KCNQ2: variants seen among roughly 807,000 people sequenced by gnomAD.
The protein encoded by KCNQ2 is potassium voltage-gated channel subfamily Q member 2.
In KCNQ2, 14 loss-of-function variants were observed where a neutral mutation model predicts 84.8. The observed-to-expected ratio is 0.17, with a 90% CI of 0.11 to 0.26. KCNQ2 has a LOEUF of 0.26. KCNQ2 is among the 10% of genes least tolerant of loss of function. The pLI, the probability that KCNQ2 is intolerant of heterozygous loss-of-function variation, is 1.00. For missense variants in KCNQ2, 788 were observed against 1,254.0 expected (o/e 0.63, Z 5.61); for synonymous variants, 599 against 554.1 (o/e 1.08, Z -1.14).
At position 63,403,348 on chromosome 20, in the gene KCNQ2, G is replaced by C. The variant is rs1048369814; in HGVS notation, c.*3296C>G. ...TACACTCAGCAGGGTCAAAGAGAAAGACCAGAGACAGAAGGGCTCCAAGGC... is the reference window on the plus strand; with the variant it reads ...TACACTCAGCAGGGTCAAAGAGAAACACCAGAGACAGAAGGGCTCCAAGGC... On this transcript the variant is annotated 3_prime_UTR_variant, in exon 17 of 17. Coordinates refer to ENST00000359125, the MANE Select transcript of KCNQ2 (RefSeq NM_172107.4). 1 of 152,350 alleles carries C rather than the reference G, an allele frequency of 6.6e-6. No individual in the cohort carries two copies. The highest frequency in any genetic ancestry group is 1.5e-5 in the Non-Finnish European group (1 of 68,108). The allele number at this position is 152,350 out of a possible 1,614,324, so 9.4% of individuals were successfully genotyped here. A position where few individuals can be genotyped will look rare whatever the true frequency, so the allele number is the denominator to read the frequency against.
In KCNQ2 at chr20:63,472,335, G is replaced by T. The variant is rs1317748215; in HGVS notation, c.129C>A (p.Ala43=). The T allele has an allele frequency of 5.9e-6, 9 of 1,537,224 alleles. No individual in the cohort carries two copies. Among genetic ancestry groups the T allele is most frequent in the Non-Finnish European group, 7.9e-6 (9 of 1,142,508 alleles). ...TGCCGCGCTTGGGGGCCTCGGAGCC[G>T]GCGATCAGCAGCGCCCCGTCCCGGG... The part of the protein sequence containing the change: ...DSTRDGALLI[A]GSEAPKRGSI... The change falls in exon 1 of 17, where the codon GCC becomes GCA. Residue 43 remains alanine, a synonymous_variant. Coordinates refer to ENST00000359125, the MANE Select transcript of KCNQ2 (RefSeq NM_172107.4).
At chr20:63,417,717 C>A (rs1468463677) in intron 12 of KCNQ2, among the ~76,000 whole-genome samples, 1 of 152,228 alleles carries the variant, frequency 6.6e-6, no homozygotes, top group Non-Finnish European at 1.5e-5. Context: ...AAGGGAGTGG[C>A]GTGGATTCCA....
chr20:63,413,638 A>G, intron 14 of KCNQ2, 57 bp from the exon 15 acceptor site: 1 of 1,606,376 alleles, frequency 6.2e-7, no homozygotes, highest in African/African-American at 1.3e-5. Context: ...GGCCACAGGC[A>G]CCAGGACCTT....
At position 63,425,985 on chromosome 20, in the gene KCNQ2, G is replaced by T. The variant is rs370435663; in HGVS notation, c.1218-1779C>A. On this transcript the variant is annotated intron_variant, in intron 10 of 16. Transcript: ENST00000359125. The surrounding 1 kb of genome is among the most constrained non-coding windows in gnomAD (Gnocchi z 5.5). Reference sequence around the variant, plus strand: ...TCCAATCCGGCGGGGCAAACTCCACGTGGCACAGCTCTGGGGACGCTCCTC... The same window carrying T: ...TCCAATCCGGCGGGGCAAACTCCACTTGGCACAGCTCTGGGGACGCTCCTC... 2.1e-4 allele frequency among the ~76,000 whole-genome samples: 32 copies of T among 152,200 alleles called. No individual in the cohort carries two copies. Among genetic ancestry groups the T allele is most frequent in the Non-Finnish European group, 2.1e-4 (14 of 68,036 alleles).
chr20:63,421,676 A>G (rs1417951450), intron 11 of KCNQ2, among the ~76,000 whole-genome samples: 5 of 151,848 alleles, frequency 3.3e-5, no homozygotes, highest in Non-Finnish European at 5.9e-5. Context: ...GAGGAGGGGG[A>G]GCCCGAACAG....
intron 9 of KCNQ2, among the ~76,000 whole-genome samples, chr20:63,429,428 G>A (rs2080728982): frequency 6.6e-6 from 1 of 152,084 alleles, no homozygotes; most frequent in African/African-American, 2.4e-5. Context: ...CTGCGTTGGA[G>A]GCAGGACGGC....
chr20:63,469,289 C>A (rs1475726764), intron 1 of KCNQ2, among the ~76,000 whole-genome samples: 5 of 152,380 alleles, frequency 3.3e-5, no homozygotes, highest in Admixed American at 2.6e-4. Flanking sequence ...CAGCACCCCG[C>A]CCCGACCAGG....
In KCNQ2 at chr20:63,408,016, C is replaced by G. The variant is rs1282462617; in HGVS notation, c.1887+397G>C. On this transcript the variant is annotated intron_variant, in intron 16 of 16. Transcript: ENST00000359125. This position sits in a 1 kb window ranked among gnomAD's most constrained non-coding sequence, Gnocchi z 5.0. The stretch of plus-strand genomic sequence containing the variant: ...AGAAGCAGGCCCCAAAACAAGGGTC[C>G]TCTGCGGTGGTTCCTGAGAATGCAC... 3.4e-6 allele frequency: 1 copy of G among 293,008 alleles called. No individual in the cohort carries two copies. The highest frequency in any genetic ancestry group is 2.2e-5 in the African/African-American group (1 of 46,066). The allele number at this position is 293,008 out of a possible 1,614,324, so 18.2% of individuals were successfully genotyped here. A position where few individuals can be genotyped will look rare whatever the true frequency, so the allele number is the denominator to read the frequency against.
rs573610967 is a variant in KCNQ2, at chr20:63,414,369, G to T, written c.1526-176C>A. Among the ~76,000 whole-genome samples the T allele has an allele frequency of 1.3e-5, 2 of 152,292 alleles. No individual in the cohort carries two copies. The highest frequency in any genetic ancestry group is 4.1e-4 in the South Asian group (2 of 4,826). On this transcript the variant is annotated intron_variant, in intron 13 of 16. Transcript: ENST00000359125. The surrounding 1 kb of genome is among the most constrained non-coding windows in gnomAD (Gnocchi z 6.6). ...CACCCATCTGCACCCAGCTGCTCTC[G>T]AGTCAGGACCTTCCCCGGCAGGCTG...
intron 2 of KCNQ2, among the ~76,000 whole-genome samples, chr20:63,445,838 A>G (rs371667474): frequency 6.0e-4 from 56 of 93,102 alleles, no homozygotes; most frequent in Admixed American, 9.8e-4. Flanking sequence ...CTGAGCTGGG[A>G]GGCCCTGTCT....
rs1157850766 is a variant in KCNQ2, at chr20:63,408,721, G to A, written c.1764-185C>T. Among the ~76,000 whole-genome samples the A allele has an allele frequency of 6.6e-6, 1 of 152,206 alleles. No individual in the cohort carries two copies. Among genetic ancestry groups the A allele is most frequent in the Non-Finnish European group, 1.5e-5 (1 of 68,028 alleles). ...CGCCCCGTTCTCAGCCCGTCTTCTGGCACCGTGAGGTTCTGCTCCTGCCCG... is the reference window on the plus strand; with the variant it reads ...CGCCCCGTTCTCAGCCCGTCTTCTGACACCGTGAGGTTCTGCTCCTGCCCG... On this transcript the variant is annotated intron_variant, in intron 15 of 16. Transcript: ENST00000359125. This position sits in a 1 kb window ranked among gnomAD's most constrained non-coding sequence, Gnocchi z 5.0.
In KCNQ2 at chr20:63,403,767, G is replaced by T. The variant is rs2079858129; in HGVS notation, c.*2877C>A. ...TATGCGGACATGTATGTGAGCACGT[G>T]TGTGTGCCAGTGGGCACGTAGGGAT... On this transcript the variant is annotated 3_prime_UTR_variant, in exon 17 of 17. Coordinates refer to ENST00000359125, the MANE Select transcript of KCNQ2 (RefSeq NM_172107.4). 1 of 152,440 alleles carries T rather than the reference G, an allele frequency of 6.6e-6. No individual in the cohort carries two copies. The highest frequency in any genetic ancestry group is 2.4e-5 in the African/African-American group (1 of 41,582). 9.4% of individuals were successfully genotyped at this position (152,440 alleles called of 1,614,324 possible). A position where few individuals can be genotyped will look rare whatever the true frequency, so the allele number is the denominator to read the frequency against.
chr20:63,439,922 G>A (rs903240113), intron 5 of KCNQ2: 15 of 625,474 alleles, frequency 2.4e-5, no homozygotes, highest in East Asian at 1.4e-4. Context: ...CCAGAAGCGG[G>A]GTCCAGCCAA....
Position 63,435,875 on chromosome 20 carries a change from G to A in KCNQ2, c.1024-1972C>T, listed in dbSNP as rs1166937430. Among the ~76,000 whole-genome samples the A allele has an allele frequency of 6.5e-5, 6 of 92,108 alleles. No homozygotes were observed. In the South Asian group the frequency reaches 2.1e-3, roughly 32 times the overall value. The allele number at this position is 92,108 out of a possible 152,430, so 60.4% of individuals were successfully genotyped here. ...TCCCTCTCCGGCACATGGGTGGCTC[G>A]CCACACTGGCTCATCTCTCGAGAGT... On this transcript the variant is annotated intron_variant, in intron 7 of 16. Transcript: ENST00000359125.
At chr20:63,413,672 G>C in intron 14 of KCNQ2, 91 bp from the exon 15 acceptor site, 1 of 1,461,956 alleles carries the variant, frequency 6.8e-7, no homozygotes, top group Non-Finnish European at 9.5e-7. Context: ...AGACCTCGGC[G>C]CCTGGAGATG....
At chr20:63,411,630 T>A in intron 15 of KCNQ2, 1 of 466,518 alleles carries the variant, frequency 2.1e-6, no homozygotes, top group East Asian at 3.5e-5. Context: ...GCCTTCTCCC[T>A]CTTGTGGCTT....
intron 10 of KCNQ2, among the ~76,000 whole-genome samples, chr20:63,427,278 G>T (rs1240947695): frequency 1.3e-5 from 2 of 152,266 alleles, no homozygotes; most frequent in Non-Finnish European, 2.9e-5. Context: ...AATCAGGTGT[G>T]TGTGATTGCA....
chr20:63,461,195 C>T (rs1277322373), intron 1 of KCNQ2: 2 of 152,214 alleles, frequency 1.3e-5, no homozygotes, highest in African/African-American at 2.4e-5. Flanking sequence ...GGCCGCCAGA[C>T]CCCCTCACCC....
rs1568934132 is a variant in KCNQ2 at position 63,442,736 on chromosome 20, T to TCACCATCACCA, written c.691-206_691-205insTGGTGATGGTG. On this transcript the variant is annotated intron_variant, in intron 4 of 16. Transcript: ENST00000359125. Reference sequence around the variant, plus strand: ...CACCACCACCACCATCATCACCACCTCCACCATCACCACCATCACCATCAC... The same window carrying TCACCATCACCA: ...CACCACCACCACCATCATCACCACCTCACCATCACCACCACCATCACCACCATCACCATCAC... Among the ~76,000 whole-genome samples the TCACCATCACCA allele has an allele frequency of 1.7e-4, 6 of 36,258 alleles. 1 individual carries two copies. In the South Asian group the frequency reaches 3.7e-3, roughly 22 times the overall value. The allele number at this position is 36,258 out of a possible 152,430, so 23.8% of individuals were successfully genotyped here.
Sources: gnomAD v4.1 joint callset for allele counts (sites outside exome capture counted in the v4.1 genomes callset) on GRCh38, gnomAD v4.1.1 for gene constraint, Gnocchi (gnomAD v3.1) non-coding constraint, MANE v1.5 for transcripts, NCBI Gene and HGNC (gene_info 2026-07-23, HGNC 2026-07-21) for gene names.